LINGO1: variants seen among roughly 807,000 people sequenced by gnomAD.
The protein encoded by LINGO1 is leucine rich repeat and Ig domain containing 1.
A neutral mutation model predicts 37.3 loss-of-function variants in LINGO1; 11 were observed. The ratio of observed to expected loss-of-function variants is 0.29; its 90% CI spans 0.19 to 0.49. LINGO1 has a LOEUF of 0.49. Ranked by LOEUF, LINGO1 falls within the 20% of genes least tolerant of loss-of-function variation. The pLI is 0.99. For missense variants in LINGO1, 585 were observed against 878.2 expected, an observed-to-expected ratio of 0.67 and a Z score of 4.22; for synonymous variants, 387 against 403.0, an observed-to-expected ratio of 0.96 and a Z score of 0.48.
At chr15:77,669,625 C>T (rs1219775441) in intron 3 of LINGO1, among the ~76,000 whole-genome samples, 1 of 152,202 alleles carries the variant, frequency 6.6e-6, no homozygotes, top group Non-Finnish European at 1.5e-5. Context: ...TGGGACTGCT[C>T]CCAGGGTCAG....
At chr15:77,639,883 C>T (rs1213714328) in intron 3 of LINGO1, among the ~76,000 whole-genome samples, 1 of 152,192 alleles carries the variant, frequency 6.6e-6, no homozygotes, top group East Asian at 1.9e-4. Flanking sequence ...GTGGCAGAGT[C>T]AGGCCTATCC....
At chr15:77,673,106 A>G (rs2075277634) in intron 3 of LINGO1, among the ~76,000 whole-genome samples, 1 of 152,204 alleles carries the variant, frequency 6.6e-6, no homozygotes, top group Admixed American at 6.5e-5. Context: ...CAAACCACAC[A>G]CAGAAATACA....
intron 1 of LINGO1, among the ~76,000 whole-genome samples, chr15:77,626,620 C>G (rs980875022): frequency 5.3e-5 from 8 of 152,324 alleles, no homozygotes; most frequent in Admixed American, 6.5e-5. Flanking sequence ...GAGGAACTGG[C>G]ACCTCTGCAA....
At position 77,750,811 on chromosome 15, in the gene LINGO1, A is replaced by G. The variant is rs183707319; in HGVS notation, c.-256-15758T>C. The stretch of plus-strand genomic sequence containing the variant: ...ACACAATGACATTTATCCCACCACT[A>G]AACAAGTATTAGGTGAGCCCCTACT... On this transcript the variant is annotated intron_variant, in intron 1 of 3. Transcript: ENST00000561686. Among the ~76,000 whole-genome samples the G allele has an allele frequency of 1.2e-4, 18 of 152,312 alleles. No homozygotes were observed. The East Asian group carries it at 3.1e-3, about 26-fold the overall frequency.
chr15:77,682,146 G>C (rs575579886), intron 2 of LINGO1, among the ~76,000 whole-genome samples: 1 of 150,296 alleles, frequency 6.7e-6, no homozygotes, highest in Non-Finnish European at 1.5e-5. Context: ...TCTGTCTGTG[G>C]GTGGTCAGAT....
chr15:77,776,894 A>G (rs2076661621), intron 1 of LINGO1, among the ~76,000 whole-genome samples: 1 of 152,210 alleles, frequency 6.6e-6, no homozygotes, highest in African/African-American at 2.4e-5. Context: ...CACGACACTG[A>G]GGCATAGCCA....
At chr15:77,757,993 AAT>A (rs1486107315) in intron 1 of LINGO1, among the ~76,000 whole-genome samples, 1 of 152,222 alleles carries the variant, frequency 6.6e-6, no homozygotes, top group Non-Finnish European at 1.5e-5. Context: ...ACTCAGGAAA[AAT>A]ATATGACACT....
chr15:77,685,108 G>A (rs1438753457), intron 2 of LINGO1, among the ~76,000 whole-genome samples: 2 of 135,084 alleles, frequency 1.5e-5, no homozygotes, highest in African/African-American at 2.7e-5. Context: ...GGGAGTGGGG[G>A]TAAGAGTCAT....
intron 2 of LINGO1, among the ~76,000 whole-genome samples, chr15:77,710,589 C>T (rs1228918336): frequency 6.6e-6 from 1 of 152,234 alleles, no homozygotes; most frequent in Admixed American, 6.5e-5. Flanking sequence ...TTCTGACATG[C>T]CTTGGATTTC....
intron 1 of LINGO1, among the ~76,000 whole-genome samples, chr15:77,695,019 A>T (rs1392982612): frequency 6.6e-6 from 1 of 152,154 alleles, no homozygotes; most frequent in Admixed American, 6.5e-5. Flanking sequence ...ATTTTTGACC[A>T]GCAGTTTGCC....
At chr15:77,679,245 T>C (rs1274581421) in intron 2 of LINGO1, among the ~76,000 whole-genome samples, 1 of 152,252 alleles carries the variant, frequency 6.6e-6, no homozygotes, top group Non-Finnish European at 1.5e-5. Context: ...CTAATAATGA[T>C]GAACATCTAT....
At chr15:77,680,937 G>A (rs1338366104) in intron 2 of LINGO1, among the ~76,000 whole-genome samples, 1 of 152,214 alleles carries the variant, frequency 6.6e-6, no homozygotes, top group African/African-American at 2.4e-5. Context: ...GGAACAAGGA[G>A]AAGATGCTAC....
chr15:77,674,521 C>T (rs1198951450), intron 3 of LINGO1, among the ~76,000 whole-genome samples: 1 of 152,128 alleles, frequency 6.6e-6, no homozygotes, highest in African/African-American at 2.4e-5. Context: ...ATGGCCCACT[C>T]TCTCCCTCAC....
intron 1 of LINGO1, among the ~76,000 whole-genome samples, chr15:77,803,901 C>A (rs2076938984): frequency 6.6e-6 from 1 of 152,178 alleles, no homozygotes; most frequent in Non-Finnish European, 1.5e-5. Flanking sequence ...TTCTTTATAG[C>A]AACACAAGAA....
chr15:77,657,535 AG>A (rs2141157240), intron 3 of LINGO1, among the ~76,000 whole-genome samples: 1 of 152,304 alleles, frequency 6.6e-6, no homozygotes, highest in Admixed American at 6.5e-5. Flanking sequence ...ATCAGAATCA[AG>A]GAACCCCAAA....
Position 77,704,376 on chromosome 15 carries a change from T to A in LINGO1, c.-194-13475A>T, listed in dbSNP as rs571591164. ...ACATTAAGCCCCGACGCTGGTCACA[T>A]ACTGAACCCCGACCCTGATCACAGA... On this transcript the variant is annotated intron_variant, in intron 2 of 3. Transcript: ENST00000561686. Among the ~76,000 whole-genome samples, 11 of 148,970 alleles carry A rather than the reference T, an allele frequency of 7.4e-5. No individual in the cohort carries two copies. In the East Asian group the frequency reaches 1.4e-3, roughly 19 times the overall value.
intron 1 of LINGO1, among the ~76,000 whole-genome samples, chr15:77,819,745 C>T (rs1228423115): frequency 6.6e-6 from 1 of 150,614 alleles, no homozygotes; most frequent in Non-Finnish European, 1.5e-5. Flanking sequence ...CGTAGGGACC[C>T]CGCGGGCGGC....
chr15:77,719,524 G>A (rs1175441443), intron 2 of LINGO1, among the ~76,000 whole-genome samples: 1 of 149,600 alleles, frequency 6.7e-6, no homozygotes, highest in Non-Finnish European at 1.5e-5. Flanking sequence ...GGAGACACAC[G>A]GGGGCAGCCA....
intron 1 of LINGO1, among the ~76,000 whole-genome samples, chr15:77,783,891 T>C (rs1051403675): frequency 6.6e-6 from 1 of 152,214 alleles, no homozygotes; most frequent in African/African-American, 2.4e-5. Context: ...GAAGCCTTTC[T>C]CCGTTTGCAC....
Sources: gnomAD v4.1 joint callset for allele counts (sites outside exome capture counted in the v4.1 genomes callset) on GRCh38, gnomAD v4.1.1 for gene constraint, MANE v1.5 for transcripts, NCBI Gene and HGNC (gene_info 2026-07-23, HGNC 2026-07-21) for gene names.